The following GPM6A variants were observed in gnomAD, a reference collection of about 807,000 sequenced individuals.
The protein encoded by GPM6A is neuronal membrane glycoprotein M6-a.
A neutral mutation model predicts 32.1 loss-of-function variants in GPM6A; 7 were observed. The observed-to-expected ratio is 0.22, with a 90% CI of 0.12 to 0.41. The LOEUF (loss-of-function observed/expected upper bound fraction) is 0.41, where lower values mean the gene tolerates loss of function less well. Among genes scored for constraint, GPM6A ranks in the 10% least tolerant of loss-of-function variants. The pLI, the probability that GPM6A is intolerant of heterozygous loss-of-function variation, is 1.00. For missense variants in GPM6A, 235 were observed against 347.2 expected, an observed-to-expected ratio of 0.68 and a Z score of 2.57; for synonymous variants, 130 against 123.4, an observed-to-expected ratio of 1.05 and a Z score of -0.35.
In GPM6A at chr4:175,633,176, T is replaced by C; in HGVS notation, c.*1729A>G. The stretch of plus-strand genomic sequence containing the variant: ...AGTTTTAGAAATTATCACAAACTGT[T>C]AAGACACGGAACTGAAATACTATAA... On this transcript the variant is annotated 3_prime_UTR_variant, in exon 7 of 7. Coordinates refer to ENST00000393658, the MANE Select transcript of GPM6A (RefSeq NM_201591.3). The C allele has an allele frequency of 6.6e-6, 1 of 152,464 alleles. No individual in the cohort carries two copies. Among genetic ancestry groups the C allele is most frequent in the East Asian group, 1.9e-4 (1 of 5,190 alleles). 9.4% of individuals were successfully genotyped at this position (152,464 alleles called of 1,614,324 possible). A position where few individuals can be genotyped will look rare whatever the true frequency, so the allele number is the denominator to read the frequency against.
intron 1 of GPM6A, among the ~76,000 whole-genome samples, chr4:175,980,327 A>G (rs1740783599): frequency 6.6e-6 from 1 of 152,192 alleles, no homozygotes; most frequent in South Asian, 2.1e-4. Flanking sequence ...ACTGCACTCC[A>G]CCCTGGGCAA....
At chr4:175,763,673 G>A (rs1169909998) in intron 1 of GPM6A, among the ~76,000 whole-genome samples, 4 of 152,038 alleles carry the variant, frequency 2.6e-5, no homozygotes, top group African/African-American at 9.7e-5. Context: ...CATTGTACGT[G>A]TCCCAGTAAT....
chr4:175,853,887 A>G (rs1337937698), intron 1 of GPM6A, among the ~76,000 whole-genome samples: 1 of 152,214 alleles, frequency 6.6e-6, no homozygotes, highest in African/African-American at 2.4e-5. Flanking sequence ...GAGTATTTAT[A>G]CAATATGTTT....
intron 1 of GPM6A, among the ~76,000 whole-genome samples, chr4:175,811,538 C>A (rs535531943): frequency 2.6e-5 from 4 of 152,084 alleles, no homozygotes; most frequent in Non-Finnish European, 4.4e-5. Flanking sequence ...TATACCTAGA[C>A]AAGCTTTAAA....
At chr4:175,670,294 T>C (rs1181693170) in intron 3 of GPM6A, among the ~76,000 whole-genome samples, 1 of 152,196 alleles carries the variant, frequency 6.6e-6, no homozygotes, top group Non-Finnish European at 1.5e-5. Flanking sequence ...AGAAGAAGTA[T>C]AGATAAATTC....
At chr4:175,964,200 T>G (rs989379553) in intron 1 of GPM6A, among the ~76,000 whole-genome samples, 3 of 151,564 alleles carry the variant, frequency 2.0e-5, no homozygotes, top group African/African-American at 7.3e-5. Flanking sequence ...ATATCAATAA[T>G]CACTTTAAAT....
intron 1 of GPM6A, among the ~76,000 whole-genome samples, chr4:175,918,307 T>C (rs1254683290): frequency 6.6e-6 from 1 of 152,190 alleles, no homozygotes; most frequent in East Asian, 1.9e-4. Context: ...TGTAAAGTTT[T>C]GCTTAGGTAA....
chr4:175,787,647 T>C (rs375758908), intron 1 of GPM6A: 2 of 1,227,196 alleles, frequency 1.6e-6, no homozygotes, highest in East Asian at 3.7e-5. Flanking sequence ...CTGACATAAC[T>C]CTTCCTAGTC....
At chr4:175,827,422 C>G (rs1463110204) in intron 1 of GPM6A, among the ~76,000 whole-genome samples, 3 of 152,190 alleles carry the variant, frequency 2.0e-5, no homozygotes, top group Non-Finnish European at 2.9e-5. Flanking sequence ...CCCCACTTCG[C>G]AGCTAAAGAA....
chr4:175,643,359 A>G (rs1051934848), intron 4 of GPM6A, among the ~76,000 whole-genome samples: 1 of 152,188 alleles, frequency 6.6e-6, no homozygotes, highest in Non-Finnish European at 1.5e-5. Flanking sequence ...AAGATGGTAC[A>G]TCGTGGGAAC....
rs372684382 is a variant in GPM6A at position 175,701,792 on chromosome 4, A to G, written c.38-25T>C. The G allele has an allele frequency of 2.9e-5, 44 of 1,525,452 alleles. No homozygotes were observed. In the African/African-American group the frequency reaches 5.0e-4, roughly 17 times the overall value. 94.5% of individuals were successfully genotyped at this position (1,525,452 alleles called of 1,614,324 possible). On this transcript the variant is annotated intron_variant, in intron 1 of 6. Coordinates refer to ENST00000393658, the MANE Select transcript of GPM6A (RefSeq NM_201591.3). Reference sequence around the variant, plus strand: ...CCTGTAGAAGATCACAAAGGGAGAAATTCATATTTTTGTTAACCTAATTTA... The same window carrying G: ...CCTGTAGAAGATCACAAAGGGAGAAGTTCATATTTTTGTTAACCTAATTTA...
At chr4:175,943,431 T>C (rs1739482614) in intron 1 of GPM6A, among the ~76,000 whole-genome samples, 1 of 152,134 alleles carries the variant, frequency 6.6e-6, no homozygotes, top group Non-Finnish European at 1.5e-5. Context: ...ATAGGAGTGG[T>C]GTGAGAGGAT....
chr4:175,797,777 C>A (rs992566407), intron 1 of GPM6A, among the ~76,000 whole-genome samples: 2 of 152,130 alleles, frequency 1.3e-5, no homozygotes, highest in Non-Finnish European at 2.9e-5. Context: ...GTCCAGAACA[C>A]CCTTAAAGTT....
chr4:175,986,086 T>C (rs1005641189), intron 1 of GPM6A, among the ~76,000 whole-genome samples: 4 of 152,188 alleles, frequency 2.6e-5, no homozygotes, highest in Non-Finnish European at 4.4e-5. Context: ...CCCAAAGGCA[T>C]GAGCCACTGC....
At chr4:175,887,128 C>T (rs1579598735) in intron 1 of GPM6A, among the ~76,000 whole-genome samples, 1 of 152,018 alleles carries the variant, frequency 6.6e-6, no homozygotes, top group East Asian at 1.9e-4. Context: ...AAAGTAAATA[C>T]ATGGTTTATC....
intron 1 of GPM6A, among the ~76,000 whole-genome samples, chr4:175,849,291 T>C (rs1448319273): frequency 2.6e-5 from 4 of 152,182 alleles, no homozygotes; most frequent in Non-Finnish European, 4.4e-5. Context: ...TTCTGGCCAA[T>C]GGATTAACAA....
At chr4:175,656,333 A>G (rs1180564286) in intron 3 of GPM6A, among the ~76,000 whole-genome samples, 1 of 152,162 alleles carries the variant, frequency 6.6e-6, no homozygotes. Flanking sequence ...TCATCAGAAC[A>G]TGCAAATGTC....
At chr4:175,637,692 AATATAT>A (rs1740850589) in intron 6 of GPM6A, among the ~76,000 whole-genome samples, 1 of 80,902 alleles carries the variant, frequency 1.2e-5, no homozygotes, top group Non-Finnish European at 2.1e-5. Context: ...TATAATATAT[AATATAT>A]TATATATTAT....
At chr4:175,761,525 T>C (rs1177697004) in intron 1 of GPM6A, among the ~76,000 whole-genome samples, 2 of 152,184 alleles carry the variant, frequency 1.3e-5, no homozygotes, top group Non-Finnish European at 2.9e-5. Context: ...ATATTTCAAA[T>C]AGACATTGAC....
Sources: allele counts gnomAD v4.1 joint callset (sites outside exome capture counted in the v4.1 genomes callset), GRCh38; gene constraint gnomAD v4.1.1; transcripts MANE v1.5; gene names NCBI Gene and HGNC (gene_info 2026-07-23, HGNC 2026-07-21).